The following TECPR2 variants were observed in gnomAD, a reference collection of about 807,000 sequenced individuals.
TECPR2 encodes tectonin beta-propeller repeat-containing protein 2.
In TECPR2, 65 loss-of-function variants were observed where a neutral mutation model predicts 138.1. That is an observed-to-expected ratio of 0.47 (90% CI 0.39 to 0.58). The LOEUF (loss-of-function observed/expected upper bound fraction) is 0.58. Among genes scored for constraint, TECPR2 ranks in the 20% least tolerant of loss-of-function variants. The pLI is 0.00. For missense variants in TECPR2, 1,553 were observed against 1,824.5 expected (o/e 0.85, Z 2.71); for synonymous variants, 746 against 749.8 (o/e 0.99, Z 0.08).
At chr14:102,409,951 C>T (rs1232913875) in intron 4 of TECPR2, among the ~76,000 whole-genome samples, 6 of 151,950 alleles carry the variant, frequency 3.9e-5, no homozygotes, top group Non-Finnish European at 8.8e-5. Flanking sequence ...ACTACAGGCA[C>T]CTGCCACCAC....
At chr14:102,497,186 G>A (rs1339567501) in intron 18 of TECPR2, 66 bp downstream of exon 18, 3 of 1,565,810 alleles carry the variant, frequency 1.9e-6, no homozygotes, top group Non-Finnish European at 2.6e-6. Context: ...GGGGCTGCTG[G>A]GCGCTCCCTC....
rs1399376307 is a variant in TECPR2 at position 102,450,645 on chromosome 14, G to A, written c.3402G>A (p.Lys1134=). The change falls in exon 15 of 20, where the codon AAG becomes AAA. Residue 1134 remains lysine (K), a synonymous_variant. Transcript: ENST00000359520. ...TGTTGGCTTCTGCAGCTCCCACGAA[G>A]GAAGGTGGGTCAGTCTTAGCCTCAC... The part of the protein sequence containing the change: ...AFVLASAAPT[K]EGSFLWLCQS... 6.2e-7 allele frequency: 1 copy of A among 1,614,126 alleles called. No individual in the cohort carries two copies. Among genetic ancestry groups the A allele is most frequent in the Non-Finnish European group, 8.5e-7 (1 of 1,179,974 alleles).
chr14:102,364,787 C>G (rs1283091775), intron 1 of TECPR2, among the ~76,000 whole-genome samples: 2 of 151,606 alleles, frequency 1.3e-5, no homozygotes, highest in Non-Finnish European at 2.9e-5. Flanking sequence ...GCTACTGGAA[C>G]TTAGTGGGAA....
chr14:102,414,987 G>C (rs1434543814), intron 5 of TECPR2, among the ~76,000 whole-genome samples, 194 bp downstream of exon 5: 1 of 152,120 alleles, frequency 6.6e-6, no homozygotes, highest in African/African-American at 2.4e-5. Context: ...AGAAGAGTGT[G>C]TTCTTCTTGT....
chr14:102,493,303 C>T (rs903900436), intron 17 of TECPR2, among the ~76,000 whole-genome samples: 2 of 152,230 alleles, frequency 1.3e-5, no homozygotes, highest in African/African-American at 4.8e-5. Context: ...AGGCCTGGGC[C>T]GCTTTTCTGT....
At chr14:102,472,302 C>T (rs1890668905) in intron 17 of TECPR2, among the ~76,000 whole-genome samples, 1 of 152,218 alleles carries the variant, frequency 6.6e-6, no homozygotes, top group South Asian at 2.1e-4. Context: ...ATTTCCTGTT[C>T]CTGTCTCCAT....
intron 2 of TECPR2, among the ~76,000 whole-genome samples, chr14:102,383,122 A>G (rs1887884112): frequency 6.6e-6 from 1 of 152,184 alleles, no homozygotes; most frequent in Non-Finnish European, 1.5e-5. Flanking sequence ...ACCCAGTTCA[A>G]GATACAGAAC....
At chr14:102,472,866 C>T (rs944671195) in intron 17 of TECPR2, among the ~76,000 whole-genome samples, 2 of 152,226 alleles carry the variant, frequency 1.3e-5, no homozygotes, top group African/African-American at 2.4e-5. Flanking sequence ...CTGCCCCTGC[C>T]GAGGCTCCCC....
At chr14:102,477,416 C>T (rs758833939) in intron 17 of TECPR2, among the ~76,000 whole-genome samples, 11 of 151,864 alleles carry the variant, frequency 7.2e-5, no homozygotes, top group African/African-American at 2.4e-4. Context: ...TCAGTGCTTA[C>T]TCAAGGCCTG....
intron 2 of TECPR2, among the ~76,000 whole-genome samples, chr14:102,390,238 A>G (rs1888130844): frequency 6.6e-6 from 1 of 152,256 alleles, no homozygotes; most frequent in South Asian, 2.1e-4. Flanking sequence ...AGGTTAGCTG[A>G]ATGCTATTGT....
rs1298228925 is a variant in TECPR2, at chr14:102,498,374, G to A, written c.*117G>A. On this transcript the variant is annotated 3_prime_UTR_variant, in exon 20 of 20. Transcript: ENST00000359520. The stretch of plus-strand genomic sequence containing the variant: ...CACTTGTCCAGACACCTCTGGCCAG[G>A]TTGGACCCGCACACTTACTTTCATC... 2 of 1,272,554 alleles carry A rather than the reference G, an allele frequency of 1.6e-6. No individual in the cohort carries two copies. Among genetic ancestry groups the A allele is most frequent in the South Asian group, 1.5e-5 (1 of 65,932 alleles). The allele number at this position is 1,272,554 out of a possible 1,614,324, so 78.8% of individuals were successfully genotyped here.
chr14:102,486,802 A>C (rs956719601), intron 17 of TECPR2, among the ~76,000 whole-genome samples: 1 of 152,226 alleles, frequency 6.6e-6, no homozygotes, highest in Admixed American at 6.5e-5. Context: ...CCTGGCTCTG[A>C]GAATTTACCT....
chr14:102,467,497 G>A (rs1248681231), intron 17 of TECPR2, among the ~76,000 whole-genome samples: 1 of 151,742 alleles, frequency 6.6e-6, no homozygotes, highest in Non-Finnish European at 1.5e-5. Context: ...GGTGATTTTT[G>A]TATTTTTAGG....
intron 6 of TECPR2, among the ~76,000 whole-genome samples, chr14:102,426,578 A>C (rs1022891553): frequency 2.0e-5 from 3 of 152,158 alleles, no homozygotes; most frequent in Non-Finnish European, 4.4e-5. Context: ...AGCCAGGCGC[A>C]GTGGCTTACG....
At chr14:102,422,752 A>G (rs533230942) in intron 5 of TECPR2, among the ~76,000 whole-genome samples, 1 of 152,294 alleles carries the variant, frequency 6.6e-6, no homozygotes, top group Admixed American at 6.5e-5. Flanking sequence ...ACAGGAGAAC[A>G]TTGGTTGGGT....
In TECPR2 at chr14:102,451,145, C is replaced by T. The variant is rs150228465; in HGVS notation, c.3406+496C>T. Among the ~76,000 whole-genome samples, 38 of 152,310 alleles carry T rather than the reference C, an allele frequency of 2.5e-4. No individual in the cohort carries two copies. The East Asian group carries it at 7.0e-3, about 28-fold the overall frequency. The stretch of plus-strand genomic sequence containing the variant: ...CACATTCTGGGCAGAACTCAGTGTC[C>T]CTGCGGAGTACAGGGTTTGTGAGGG... On this transcript the variant is annotated intron_variant, in intron 15 of 19. Coordinates refer to ENST00000359520, the MANE Select transcript of TECPR2 (RefSeq NM_014844.5).
chr14:102,463,416 CA>C (rs550694466), intron 16 of TECPR2, among the ~76,000 whole-genome samples: 1,385 of 38,516 alleles, frequency 0.036, 11 homozygotes, highest in African/African-American at 0.096. Flanking sequence ...GACTCCGTCT[CA>C]AAAAAAAAAA....
At chr14:102,477,006 C>T (rs1890780401) in intron 17 of TECPR2, among the ~76,000 whole-genome samples, 1 of 152,080 alleles carries the variant, frequency 6.6e-6, no homozygotes, top group Admixed American at 6.6e-5. Flanking sequence ...TGGCTGCCAC[C>T]TCACTCCAGC....
chr14:102,434,422 C>T lies in TECPR2; in HGVS notation c.1605C>T (p.Asn535=), dbSNP rs145715326. 202 of 1,530,226 alleles carry T rather than the reference C, an allele frequency of 1.3e-4. No individual in the cohort carries two copies. In the African/African-American group the frequency reaches 2.4e-3, roughly 18 times the overall value. 94.8% of individuals were successfully genotyped at this position (1,530,226 alleles called of 1,614,324 possible). Residue 535 remains asparagine (N), a synonymous_variant, in exon 9 of 20, where the codon AAC becomes AAT. Coordinates refer to ENST00000359520, the MANE Select transcript of TECPR2 (RefSeq NM_014844.5). ...DQESSFNGEV[N]GVPQENTDPE... is the part of the protein sequence containing the mutation. ...AAAGCAGCTTCAATGGTGAAGTGAA[C>T]GGTGTCCCACAGGAAAATACTGACC...
Sources: gnomAD v4.1 joint callset for allele counts (sites outside exome capture counted in the v4.1 genomes callset) on GRCh38, gnomAD v4.1.1 for gene constraint, MANE v1.5 for transcripts, NCBI Gene and HGNC (gene_info 2026-07-23, HGNC 2026-07-21) for gene names.